The following PARD6G variants were observed in gnomAD, a reference collection of about 807,000 sequenced individuals.
PARD6G encodes the protein par-6 family cell polarity regulator gamma.
A neutral mutation model predicts 10.7 loss-of-function variants in PARD6G; 7 were observed. The ratio of observed to expected loss-of-function variants is 0.66; its 90% CI spans 0.37 to 1.23. The LOEUF (loss-of-function observed/expected upper bound fraction) is 1.23. Among genes scored for constraint, PARD6G ranks in the 50% most tolerant of loss-of-function variants. PARD6G has a pLI of 0.02. For synonymous variants in PARD6G, 287 were observed against 269.4 expected (o/e 1.07, Z -0.64); for missense variants, 548 against 571.8 (o/e 0.96, Z 0.42).
At chr18:80,195,570 T>TATATATATATATATATATATAC (rs1966946840) in intron 2 of PARD6G, among the ~76,000 whole-genome samples, 3 of 88,648 alleles carry the variant, frequency 3.4e-5, no homozygotes, top group Non-Finnish European at 6.4e-5. Context: ...TATATATATA[T>TATATATATATATATATATATAC]ATACACACAT....
intron 2 of PARD6G, among the ~76,000 whole-genome samples, chr18:80,174,367 A>G (rs1305653154): frequency 6.6e-6 from 1 of 152,160 alleles, no homozygotes; most frequent in Non-Finnish European, 1.5e-5. Context: ...GGAGGCCGCT[A>G]GGTGACAGCA....
In PARD6G at chr18:80,164,474, C is replaced by T. The variant is rs143728714; in HGVS notation, c.296-3868G>A. Among the ~76,000 whole-genome samples the T allele has an allele frequency of 2.3e-3, 353 of 152,332 alleles. 1 individual carries two copies. Among genetic ancestry groups the T allele is most frequent in the Admixed American group, 2.5e-3 (38 of 15,302 alleles). The stretch of plus-strand genomic sequence containing the variant: ...GGGTGTTTCCACCGGGTCCACACTG[C>T]TCTTCACGTCACAACTGAATGTCAT... On this transcript the variant is annotated intron_variant, in intron 2 of 2. Transcript: ENST00000353265.
At chr18:80,163,944 A>C (rs562821823) in intron 2 of PARD6G, among the ~76,000 whole-genome samples, 1 of 152,354 alleles carries the variant, frequency 6.6e-6, no homozygotes, top group East Asian at 1.9e-4. Flanking sequence ...ACATGGCAGC[A>C]GCTCCTTGGG....
chr18:80,166,136 T>C (rs2052734447), intron 2 of PARD6G, among the ~76,000 whole-genome samples: 1 of 152,070 alleles, frequency 6.6e-6, no homozygotes. Flanking sequence ...TTTGTCACCA[T>C]TTGGACCTGT....
In PARD6G at chr18:80,181,102, C is replaced by T. The variant is rs903033130; in HGVS notation, c.296-20496G>A. On this transcript the variant is annotated intron_variant, in intron 2 of 2. Transcript: ENST00000353265. This position sits in a 1 kb window ranked among gnomAD's most constrained non-coding sequence, Gnocchi z 7.9. Reference sequence around the variant, plus strand: ...TCGACATTAGAACATGGGCTGCGACCGGAGAAGCAGCCTGCGGGGGTGGGC... The same window carrying T: ...TCGACATTAGAACATGGGCTGCGACTGGAGAAGCAGCCTGCGGGGGTGGGC... Among the ~76,000 whole-genome samples the T allele has an allele frequency of 1.1e-4, 17 of 152,166 alleles. No individual in the cohort carries two copies. Among genetic ancestry groups the T allele is most frequent in the African/African-American group, 3.1e-4 (13 of 41,442 alleles).
intron 1 of PARD6G, among the ~76,000 whole-genome samples, chr18:80,230,838 T>G (rs1967350268): frequency 6.6e-6 from 1 of 152,132 alleles, no homozygotes; most frequent in African/African-American, 2.4e-5. Context: ...TCTGCCAAGC[T>G]TTGTGTGCAT....
chr18:80,246,767 G>C lies in PARD6G; in HGVS notation c.72+510C>G, dbSNP rs1010590636. 7.2e-5 allele frequency among the ~76,000 whole-genome samples: 11 copies of C among 151,984 alleles called. No homozygotes were observed. The highest frequency in any genetic ancestry group is 1.3e-4 in the Non-Finnish European group (9 of 67,932). On this transcript the variant is annotated intron_variant, in intron 1 of 2. Coordinates refer to ENST00000353265, the MANE Select transcript of PARD6G (RefSeq NM_032510.4). The surrounding 1 kb of genome is among the most constrained non-coding windows in gnomAD (Gnocchi z 6.7). ...GGTGCCTAGATGTTTGGTACCGAGC[G>C]GGTGGGGGACGCCGGGCTCGGAGCC...
intron 1 of PARD6G, among the ~76,000 whole-genome samples, chr18:80,216,269 C>G (rs1378195806): frequency 1.3e-5 from 2 of 152,044 alleles, no homozygotes; most frequent in Non-Finnish European, 2.9e-5. Context: ...TATGAACCAA[C>G]TAGACCTGGA....
At chr18:80,162,613 T>TA (rs1340230295) in intron 2 of PARD6G, 6 of 169,162 alleles carry the variant, frequency 3.5e-5, no homozygotes, top group African/African-American at 1.4e-4. Flanking sequence ...GGTGAGTGGA[T>TA]AAAGTCCCTG....
intron 1 of PARD6G, among the ~76,000 whole-genome samples, chr18:80,226,011 T>C (rs1259895581): frequency 6.6e-6 from 1 of 152,246 alleles, no homozygotes; most frequent in East Asian, 1.9e-4. Flanking sequence ...GTATGGTTTT[T>C]AAAAATTAGG....
intron 2 of PARD6G, among the ~76,000 whole-genome samples, chr18:80,178,610 A>T (rs1281180224): frequency 1.3e-5 from 2 of 152,162 alleles, no homozygotes; most frequent in African/African-American, 4.8e-5. Flanking sequence ...TGGTAAAACC[A>T]TGTCCCAGCC....
At chr18:80,202,989 C>T in intron 1 of PARD6G, 57 bp from the exon 2 acceptor site, 2 of 1,073,982 alleles carry the variant, frequency 1.9e-6, no homozygotes, top group South Asian at 2.5e-5. Flanking sequence ...AGAGAAATAT[C>T]CAGAAATAAG....
Position 80,188,034 on chromosome 18 carries a change from T to C in PARD6G, c.295+14676A>G, listed in dbSNP as rs1389647552. On this transcript the variant is annotated intron_variant, in intron 2 of 2. Transcript: ENST00000353265. The surrounding 1 kb of genome is among the most constrained non-coding windows in gnomAD (Gnocchi z 5.4). ...GACTGCTGCATATGTGCTCCATCAC[T>C]GACTGAAACGCTAAGTGGTGCGCGA... is the stretch of plus-strand genomic sequence containing the variant. 1 of 152,258 alleles carries C rather than the reference T, an allele frequency of 6.6e-6. No homozygotes were observed. Among genetic ancestry groups the C allele is most frequent in the African/African-American group, 2.4e-5 (1 of 41,464 alleles). The allele number at this position is 152,258 out of a possible 1,614,324, so 9.4% of individuals were successfully genotyped here. A position where few individuals can be genotyped will look rare whatever the true frequency, so the allele number is the denominator to read the frequency against.
chr18:80,242,756 A>G (rs970317092), intron 1 of PARD6G, among the ~76,000 whole-genome samples: 6 of 152,258 alleles, frequency 3.9e-5, no homozygotes, highest in Non-Finnish European at 2.9e-5. Flanking sequence ...AAAACCAGGC[A>G]GTTGAAAATA....
At chr18:80,209,031 C>T (rs1325063248) in intron 1 of PARD6G, among the ~76,000 whole-genome samples, 1 of 151,840 alleles carries the variant, frequency 6.6e-6, no homozygotes, top group Non-Finnish European at 1.5e-5. Flanking sequence ...ACATAGGAGG[C>T]AGAGGGTGCA....
In PARD6G at chr18:80,228,283, G is replaced by A. The variant is rs1211251822; in HGVS notation, c.72+18994C>T. 2.1e-5 allele frequency among the ~76,000 whole-genome samples: 3 copies of A among 144,648 alleles called. No homozygotes were observed. Among genetic ancestry groups the A allele is most frequent in the African/African-American group, 8.7e-5 (3 of 34,380 alleles). The allele number at this position is 144,648 out of a possible 152,430, so 94.9% of individuals were successfully genotyped here. On this transcript the variant is annotated intron_variant, in intron 1 of 2. Coordinates refer to ENST00000353265, the MANE Select transcript of PARD6G (RefSeq NM_032510.4). This position sits in a 1 kb window ranked among gnomAD's most constrained non-coding sequence, Gnocchi z 4.6. ...AGTGAAAACTGCGGAAGCCGCCATG[G>A]GGAGGTGAGGGGAGGTGAGCGGAGG...
At chr18:80,177,045 AC>A (rs2145257940) in intron 2 of PARD6G, among the ~76,000 whole-genome samples, 1 of 147,154 alleles carries the variant, frequency 6.8e-6, no homozygotes, top group East Asian at 2.0e-4. Flanking sequence ...ACACACACAC[AC>A]ACCACAGTAT....
At chr18:80,217,061 C>T (rs1365040477) in intron 1 of PARD6G, among the ~76,000 whole-genome samples, 1 of 152,036 alleles carries the variant, frequency 6.6e-6, no homozygotes, top group Non-Finnish European at 1.5e-5. Flanking sequence ...CATGATGTGC[C>T]TTGGGTATTT....
At chr18:80,210,300 T>A (rs1285619264) in intron 1 of PARD6G, among the ~76,000 whole-genome samples, 1 of 152,212 alleles carries the variant, frequency 6.6e-6, no homozygotes, top group East Asian at 1.9e-4. Context: ...AAACCAACTT[T>A]TAGAGAACCG....
Sources: gnomAD v4.1 joint callset for allele counts (sites outside exome capture counted in the v4.1 genomes callset) on GRCh38, gnomAD v4.1.1 for gene constraint, Gnocchi (gnomAD v3.1) non-coding constraint, MANE v1.5 for transcripts, NCBI Gene and HGNC (gene_info 2026-07-23, HGNC 2026-07-21) for gene names.